EPHA5: variants seen among roughly 807,000 people sequenced by gnomAD.
EPHA5 encodes the protein ephrin type-A receptor 5.
In EPHA5, 60 loss-of-function variants were observed where a neutral mutation model predicts 105.0. That is an observed-to-expected ratio of 0.57 (90% CI 0.46 to 0.71). The LOEUF is 0.71. EPHA5 is among the 30% of genes least tolerant of loss of function. The pLI is 0.00. For synonymous variants in EPHA5, 513 were observed against 449.1 expected (o/e 1.14, Z -1.80); for missense variants, 1,218 against 1,274.7 (o/e 0.96, Z 0.68).
intron 2 of EPHA5, among the ~76,000 whole-genome samples, chr4:65,636,850 A>G (rs1006490485): frequency 6.6e-6 from 1 of 152,030 alleles, no homozygotes; most frequent in African/African-American, 2.4e-5. Flanking sequence ...TGCTCCCTTA[A>G]GTTCTAGGAT....
chr4:65,521,780 C>A (rs1734750760), intron 3 of EPHA5, among the ~76,000 whole-genome samples: 1 of 151,918 alleles, frequency 6.6e-6, no homozygotes, highest in Admixed American at 6.6e-5. Context: ...CTTTCCTTTC[C>A]TTTTCTTTGT....
At chr4:65,390,497 A>G (rs893913462) in intron 8 of EPHA5, among the ~76,000 whole-genome samples, 1 of 151,900 alleles carries the variant, frequency 6.6e-6, no homozygotes, top group Non-Finnish European at 1.5e-5. Context: ...AGGACCGGAG[A>G]GTATAATAAA....
chr4:65,431,045 A>G (rs1334300431), intron 5 of EPHA5, among the ~76,000 whole-genome samples: 2 of 152,196 alleles, frequency 1.3e-5, no homozygotes, highest in African/African-American at 4.8e-5. Context: ...TTTATGTAAT[A>G]GCATTCAAAT....
At chr4:65,667,605 G>C (rs1478173022) in intron 1 of EPHA5, among the ~76,000 whole-genome samples, 1 of 152,012 alleles carries the variant, frequency 6.6e-6, no homozygotes, top group Non-Finnish European at 1.5e-5. Context: ...CAAGATTCCA[G>C]CTCTGCCTTC....
At chr4:65,605,042 C>A (rs1281935753) in intron 2 of EPHA5, among the ~76,000 whole-genome samples, 1 of 152,198 alleles carries the variant, frequency 6.6e-6, no homozygotes, top group Non-Finnish European at 1.5e-5. Context: ...TTATTCAATG[C>A]CATCCCCTGA....
chr4:65,594,749 T>C (rs919343280), intron 3 of EPHA5, among the ~76,000 whole-genome samples: 8 of 141,238 alleles, frequency 5.7e-5, no homozygotes, highest in African/African-American at 2.0e-4. Flanking sequence ...AAACAAGTTC[T>C]TTAAGAAAAA....
At position 65,458,681 on chromosome 4, in the gene EPHA5, G is replaced by T. The variant is rs1212679859; in HGVS notation, c.1402+31696C>A. Among the ~76,000 whole-genome samples the T allele has an allele frequency of 2.6e-5, 4 of 152,048 alleles. No individual in the cohort carries two copies. The East Asian group carries it at 5.8e-4, about 22-fold the overall frequency. ...TACACTCATTGAAGACAGAAATTTT[G>T]ATTCATTTCTATTTTTCAAGTATTA... On this transcript the variant is annotated intron_variant, in intron 5 of 16. Coordinates refer to ENST00000613740, the MANE Select transcript of EPHA5 (RefSeq NM_001281766.3).
rs185781462 is a variant in EPHA5 at position 65,659,467 on chromosome 4, T to C, written c.181+10095A>G. 8.6e-5 allele frequency among the ~76,000 whole-genome samples: 13 copies of C among 151,808 alleles called. No individual in the cohort carries two copies. The East Asian group carries it at 2.5e-3, about 29-fold the overall frequency. On this transcript the variant is annotated intron_variant, in intron 1 of 16. Coordinates refer to ENST00000613740, the MANE Select transcript of EPHA5 (RefSeq NM_001281766.3). ...GGACAATGAAGAGAGAAGATGTTAA[T>C]ACGAGTTAAATTAGTGTGTAAGAGT...
chr4:65,573,709 A>G (rs1740480837), intron 3 of EPHA5: 1 of 1,596,524 alleles, frequency 6.3e-7, no homozygotes, highest in Admixed American at 1.8e-5. Context: ...GAAAAGAAAA[A>G]GAAGGAGAAG....
At chr4:65,353,142 G>T (rs770584844) in intron 11 of EPHA5, 39 bp from the exon 12 acceptor site, 7 of 1,337,832 alleles carry the variant, frequency 5.2e-6, no homozygotes, top group Non-Finnish European at 7.0e-6. Flanking sequence ...GCTGCTCTTC[G>T]ATTTTGCATT....
At chr4:65,615,230 CA>C (rs1560776177) in intron 2 of EPHA5, among the ~76,000 whole-genome samples, 1 of 151,386 alleles carries the variant, frequency 6.6e-6, no homozygotes, top group African/African-American at 2.4e-5. Context: ...AAAAAAATGG[CA>C]GGTACAATAG....
In EPHA5 at chr4:65,562,517, G is replaced by C. The variant is rs192977963; in HGVS notation, c.910+39124C>G. Among the ~76,000 whole-genome samples, 5 of 152,074 alleles carry C rather than the reference G, an allele frequency of 3.3e-5. No individual in the cohort carries two copies. The East Asian group carries it at 9.7e-4, about 29-fold the overall frequency. ...AGAAAAATAAAAATTTTAGATAGTT[G>C]AAGTTGTTTTCAGAAGCAGTTCATA... On this transcript the variant is annotated intron_variant, in intron 3 of 16. Transcript: ENST00000613740.
chr4:65,612,327 AC>A (rs947388182), intron 2 of EPHA5, among the ~76,000 whole-genome samples: 1 of 151,298 alleles, frequency 6.6e-6, no homozygotes, highest in African/African-American at 2.4e-5. Context: ...TCCCCCTCCC[AC>A]CCTCTCACCT....
intron 5 of EPHA5, among the ~76,000 whole-genome samples, chr4:65,472,839 C>T (rs1729425123): frequency 6.6e-6 from 1 of 152,194 alleles, no homozygotes; most frequent in Admixed American, 6.5e-5. Flanking sequence ...CACATTTTCC[C>T]CACTGTCTTT....
At chr4:65,558,331 C>T (rs1451898846) in intron 3 of EPHA5, among the ~76,000 whole-genome samples, 1 of 152,088 alleles carries the variant, frequency 6.6e-6, no homozygotes, top group African/African-American at 2.4e-5. Flanking sequence ...TTTCACACTT[C>T]ATTCATAAAA....
intron 5 of EPHA5, among the ~76,000 whole-genome samples, chr4:65,438,590 T>C (rs972168701): frequency 1.3e-5 from 2 of 151,828 alleles, no homozygotes; most frequent in African/African-American, 4.8e-5. Flanking sequence ...TATGAAAGGA[T>C]TTCAATAAGA....
At chr4:65,646,454 A>T (rs569402731) in intron 1 of EPHA5, among the ~76,000 whole-genome samples, 24 of 152,278 alleles carry the variant, frequency 1.6e-4, no homozygotes, top group African/African-American at 5.8e-4. Flanking sequence ...AGGGGCATTT[A>T]TCTATTTTCT....
chr4:65,389,481 G>T (rs1560483856), intron 8 of EPHA5, among the ~76,000 whole-genome samples: 1 of 151,838 alleles, frequency 6.6e-6, no homozygotes, highest in East Asian at 1.9e-4. Flanking sequence ...GTTTCTCTTT[G>T]TATTAAACAC....
chr4:65,403,042 G>A (rs868681215), intron 8 of EPHA5, among the ~76,000 whole-genome samples: 16 of 152,112 alleles, frequency 1.1e-4, no homozygotes, highest in African/African-American at 2.9e-4. Flanking sequence ...TTCTAAAAAC[G>A]CGTAAATGCT....
Sources: allele counts gnomAD v4.1 joint callset (sites outside exome capture counted in the v4.1 genomes callset), GRCh38; gene constraint gnomAD v4.1.1; transcripts MANE v1.5; gene names NCBI Gene and HGNC (gene_info 2026-07-23, HGNC 2026-07-21).